Variants in DTNA observed in about 807,000 individuals in gnomAD.
DTNA encodes the protein dystrobrevin alpha, also known as dystrophin-related protein 3.
A neutral mutation model predicts 100.7 loss-of-function variants in DTNA; 43 were observed. The observed-to-expected ratio is 0.43, with a 90% CI of 0.33 to 0.55. The LOEUF is 0.55. Ranked by LOEUF, DTNA falls within the 20% of genes least tolerant of loss-of-function variation. The pLI is 0.04. For synonymous variants in DTNA, 349 were observed against 347.9 expected (o/e 1.00, Z -0.04); for missense variants, 798 against 953.9 (o/e 0.84, Z 2.15).
chr18:34,588,345 T>C (rs928242151), intron 1 of DTNA, among the ~76,000 whole-genome samples: 1 of 152,124 alleles, frequency 6.6e-6, no homozygotes, highest in Non-Finnish European at 1.5e-5. Flanking sequence ...GTCTGCCTCA[T>C]TGAAGTAGCT....
intron 1 of DTNA, among the ~76,000 whole-genome samples, chr18:34,727,007 C>T (rs949753601): frequency 6.6e-6 from 1 of 152,248 alleles, no homozygotes; most frequent in Non-Finnish European, 1.5e-5. Flanking sequence ...GCCTCCTTCA[C>T]TTGTGCATTC....
At chr18:34,848,963 T>C (rs571981257) in intron 14 of DTNA, among the ~76,000 whole-genome samples, 10 of 152,308 alleles carry the variant, frequency 6.6e-5, no homozygotes, top group Admixed American at 1.3e-4. Context: ...TCACATCAGA[T>C]GTTGCAGTTA....
chr18:34,850,820 C>T (rs530477843), intron 14 of DTNA, among the ~76,000 whole-genome samples: 2 of 152,154 alleles, frequency 1.3e-5, no homozygotes, highest in Admixed American at 1.3e-4. Flanking sequence ...TAAACATACA[C>T]AAACAGATAT....
intron 22 of DTNA, among the ~76,000 whole-genome samples, chr18:34,886,998 C>A (rs752489870): frequency 2.6e-5 from 4 of 152,190 alleles, no homozygotes; most frequent in Non-Finnish European, 5.9e-5. Context: ...GTATATGTGT[C>A]TCTTATCCAA....
chr18:34,590,635 G>A (rs2049618204), intron 1 of DTNA, among the ~76,000 whole-genome samples: 1 of 152,176 alleles, frequency 6.6e-6, no homozygotes, highest in African/African-American at 2.4e-5. Flanking sequence ...GTCTATTTCT[G>A]GAGAATGGAG....
intron 1 of DTNA, among the ~76,000 whole-genome samples, chr18:34,623,057 G>C (rs2056784364): frequency 6.6e-6 from 1 of 152,084 alleles, no homozygotes; most frequent in African/African-American, 2.4e-5. Context: ...TTTCTTCTAA[G>C]AAATACCCTG....
chr18:34,499,701 T>C (rs1489345508), intron 1 of DTNA, among the ~76,000 whole-genome samples: 1 of 152,244 alleles, frequency 6.6e-6, no homozygotes, highest in Non-Finnish European at 1.5e-5. Context: ...TCATTGTGAT[T>C]TCAATTTGCA....
At position 34,550,575 on chromosome 18, in the gene DTNA, T is replaced by A. The variant is rs201156328; in HGVS notation, c.-2+57061T>A. Among the ~76,000 whole-genome samples the A allele has an allele frequency of 2.0e-5, 3 of 152,320 alleles. No homozygotes were observed. In the East Asian group the frequency reaches 5.8e-4, roughly 29 times the overall value. On this transcript the variant is annotated intron_variant, in intron 1 of 19. Coordinates refer to the DTNA transcript ENST00000283365. ...AGATGCCTTTTGAGTCTGAGAATTG[T>A]CATTTTGGGCCTGTCTACATTTTAA...
chr18:34,743,834 A>T (rs561994694), intron 1 of DTNA, among the ~76,000 whole-genome samples: 3 of 152,020 alleles, frequency 2.0e-5, no homozygotes, highest in African/African-American at 2.4e-5. Context: ...AAGTTTTGCT[A>T]TTGGTCTTAA....
At chr18:34,565,563 G>A (rs145243173) in intron 1 of DTNA, among the ~76,000 whole-genome samples, 57 of 152,294 alleles carry the variant, frequency 3.7e-4, no homozygotes, top group Middle Eastern at 3.4e-3. Context: ...AGGCTAAGTG[G>A]GTGGTTCCTC....
intron 1 of DTNA, among the ~76,000 whole-genome samples, chr18:34,686,124 C>T (rs2078861742): frequency 6.6e-6 from 1 of 151,872 alleles, no homozygotes; most frequent in African/African-American, 2.4e-5. Flanking sequence ...TTTGAATACC[C>T]TTCATTTCTT....
At chr18:34,883,999 C>T (rs148912670) in intron 21 of DTNA, among the ~76,000 whole-genome samples, 4 of 152,298 alleles carry the variant, frequency 2.6e-5, no homozygotes, top group East Asian at 1.9e-4. Flanking sequence ...GTTTTCCTTG[C>T]GCCTTCTATG....
chr18:34,868,142 C>T lies in DTNA; in HGVS notation c.1743+4080C>T, dbSNP rs1359540202. On this transcript the variant is annotated intron_variant, in intron 17 of 22. Coordinates refer to ENST00000444659, the MANE Select transcript of DTNA (RefSeq NM_001386795.1). ...GGACAAGGATGTTACTCTGCATGTT[C>T]TGGCAATGAAGCAAAAAAAAAAAAA... is the stretch of plus-strand genomic sequence containing the variant. 3 of 394,376 alleles carry T rather than the reference C, an allele frequency of 7.6e-6. 1 individual carries two copies. The highest frequency in any genetic ancestry group is 1.0e-5 in the Non-Finnish European group (3 of 296,172). 24.4% of individuals were successfully genotyped at this position (394,376 alleles called of 1,614,324 possible).
intron 17 of DTNA, chr18:34,866,631 A>G (rs1164525255): frequency 2.0e-6 from 2 of 1,011,190 alleles, no homozygotes; most frequent in Non-Finnish European, 1.2e-6. Flanking sequence ...AAATCAGGCA[A>G]TTAAATCCCT....
chr18:34,593,576 T>C (rs1290521008), intron 1 of DTNA: 7 of 152,208 alleles, frequency 4.6e-5, no homozygotes, highest in Non-Finnish European at 1.0e-4. Flanking sequence ...GCATCGCTTT[T>C]CTGGGATGCT....
chr18:34,556,423 C>T (rs2046054519), intron 1 of DTNA, among the ~76,000 whole-genome samples: 2 of 151,002 alleles, frequency 1.3e-5, no homozygotes, highest in Admixed American at 6.6e-5. Context: ...ATGATGTTAG[C>T]TGGTGATTTT....
At chr18:34,684,328 G>A (rs920831786) in intron 1 of DTNA, among the ~76,000 whole-genome samples, 3 of 152,050 alleles carry the variant, frequency 2.0e-5, no homozygotes, top group African/African-American at 7.2e-5. Context: ...GCCCTGGTGT[G>A]TGATGTTCCC....
chr18:34,558,639 G>A (rs1245372494), intron 1 of DTNA, among the ~76,000 whole-genome samples: 1 of 152,168 alleles, frequency 6.6e-6, no homozygotes, highest in African/African-American at 2.4e-5. Context: ...ATTGGAGTAG[G>A]CTGGGAATAG....
intron 1 of DTNA, among the ~76,000 whole-genome samples, chr18:34,590,624 A>G (rs2049616704): frequency 6.6e-6 from 1 of 152,194 alleles, no homozygotes; most frequent in African/African-American, 2.4e-5. Context: ...GTGCTAATAG[A>G]GTCTATTTCT....
Sources: gnomAD v4.1 joint callset for allele counts (sites outside exome capture counted in the v4.1 genomes callset) on GRCh38, gnomAD v4.1.1 for gene constraint, MANE v1.5 for transcripts, NCBI Gene and HGNC (gene_info 2026-07-23, HGNC 2026-07-21) for gene names.